ATXN7L1: variants seen among roughly 807,000 people sequenced by gnomAD.
ATXN7L1 encodes the protein ataxin 7 like 1, also known as ataxin-7-like protein 1.
In ATXN7L1, 15 loss-of-function variants were observed where a neutral mutation model predicts 70.8. The observed-to-expected ratio is 0.21, with a 90% CI of 0.14 to 0.33. The LOEUF (loss-of-function observed/expected upper bound fraction) is 0.33. Among genes scored for constraint, ATXN7L1 ranks in the 10% least tolerant of loss-of-function variants. The probability of loss-of-function intolerance (pLI) is 1.00; values close to 1 mark genes in which losing one functional copy is unlikely to be tolerated. For missense variants in ATXN7L1, 975 were observed against 1,097.1 expected (o/e 0.89, Z 1.57); for synonymous variants, 440 against 445.1 (o/e 0.99, Z 0.14).
In ATXN7L1 at chr7:105,631,859, C is replaced by T. The variant is rs79104146; in HGVS notation, c.1202+6494G>A. Among the ~76,000 whole-genome samples, 1,356 of 152,320 alleles carry T rather than the reference C, an allele frequency of 8.9e-3. 34 individuals carry two copies. Among genetic ancestry groups the T allele is most frequent in the African/African-American group, 0.031 (1,272 of 41,570 alleles). ...CTAGACACGGGGCCATCAGGCTCAG[C>T]GCAGAGTAGGAGTGAGGCACAGGGC... On this transcript the variant is annotated intron_variant, in intron 7 of 11. Transcript: ENST00000419735.
intron 3 of ATXN7L1, among the ~76,000 whole-genome samples, chr7:105,730,778 T>C (rs1796446927): frequency 6.6e-6 from 1 of 151,632 alleles, no homozygotes. Flanking sequence ...ACATGACAAC[T>C]AAATGTAAGT....
chr7:105,615,979 C>CA lies in ATXN7L1; in HGVS notation c.1518-1164dup, dbSNP rs375789664. 1.7e-3 allele frequency among the ~76,000 whole-genome samples: 263 copies of CA among 152,322 alleles called. 1 individual carries two copies. Among genetic ancestry groups the CA allele is most frequent in the African/African-American group, 5.9e-3 (246 of 41,574 alleles). Reference sequence around the variant, plus strand: ...CTACTCTGGGGACCGGGAGGAGGCACACGGCCACAGGGACGTTTGTTCGTG... The same window carrying CA: ...CTACTCTGGGGACCGGGAGGAGGCACAACGGCCACAGGGACGTTTGTTCGTG... On this transcript the variant is annotated intron_variant, in intron 9 of 11. Transcript: ENST00000419735.
chr7:105,809,830 A>G (rs987416350), intron 2 of ATXN7L1, among the ~76,000 whole-genome samples: 1 of 151,106 alleles, frequency 6.6e-6, no homozygotes, highest in Admixed American at 6.6e-5. Flanking sequence ...GAGCATAGTT[A>G]TGCTATCATA....
At chr7:105,669,011 A>C (rs1230440187) in intron 3 of ATXN7L1, among the ~76,000 whole-genome samples, 1 of 152,118 alleles carries the variant, frequency 6.6e-6, no homozygotes, top group Non-Finnish European at 1.5e-5. Context: ...GCCTCGCAAA[A>C]TGTTGGGATT....
At chr7:105,875,636 C>CCA (rs67411585) in intron 2 of ATXN7L1, among the ~76,000 whole-genome samples, 176 bp downstream of exon 2, 13,136 of 131,264 alleles carry the variant, frequency 0.1, 945 homozygotes, top group Middle Eastern at 0.18. Flanking sequence ...TACCCCCCCC[C>CCA]CAGTTGTATT....
chr7:105,630,388 C>A (rs1180458535), intron 7 of ATXN7L1, among the ~76,000 whole-genome samples: 1 of 152,154 alleles, frequency 6.6e-6, no homozygotes, highest in African/African-American at 2.4e-5. Flanking sequence ...CCATTTAACT[C>A]CTAAACCAAT....
At chr7:105,797,927 A>G (rs1049224710) in intron 2 of ATXN7L1, among the ~76,000 whole-genome samples, 3 of 152,242 alleles carry the variant, frequency 2.0e-5, no homozygotes, top group African/African-American at 7.2e-5. Flanking sequence ...GGCATGTGGT[A>G]GCTGCTTAAT....
chr7:105,876,287 C>G (rs1585224264), intron 1 of ATXN7L1, 91 bp downstream of exon 1: 1 of 1,429,276 alleles, frequency 7.0e-7, no homozygotes, highest in African/African-American at 1.4e-5. Flanking sequence ...GGGCCACTCT[C>G]TCTCTCACAC....
At chr7:105,818,734 A>G (rs1368975926) in intron 2 of ATXN7L1, among the ~76,000 whole-genome samples, 1 of 152,192 alleles carries the variant, frequency 6.6e-6, no homozygotes, top group Non-Finnish European at 1.5e-5. Context: ...ATGTATTAGG[A>G]TAAAGCTGCA....
At chr7:105,618,124 G>C (rs775601759) in intron 9 of ATXN7L1, 4 of 453,722 alleles carry the variant, frequency 8.8e-6, no homozygotes, top group South Asian at 1.6e-5. Context: ...TATGGAGCTT[G>C]AGCTGACAGG....
At chr7:105,769,644 C>T (rs551506656) in intron 3 of ATXN7L1, among the ~76,000 whole-genome samples, 1 of 152,242 alleles carries the variant, frequency 6.6e-6, no homozygotes, top group East Asian at 1.9e-4. Context: ...GTCATTCTAC[C>T]TGGATGTCCT....
At chr7:105,771,886 G>T (rs1396589403) in intron 3 of ATXN7L1, among the ~76,000 whole-genome samples, 1 of 152,034 alleles carries the variant, frequency 6.6e-6, no homozygotes, top group Non-Finnish European at 1.5e-5. Flanking sequence ...ATGGGGACAG[G>T]TTAAGGAAAA....
Position 105,676,344 on chromosome 7 carries a change from T to A in ATXN7L1, c.356-11056A>T, listed in dbSNP as rs570487510. Reference sequence around the variant, plus strand: ...AGTCACATGTGTTTAAACACAGGAGTCACCACAGCTTTGGTGAAAACTGGG... The same window carrying A: ...AGTCACATGTGTTTAAACACAGGAGACACCACAGCTTTGGTGAAAACTGGG... On this transcript the variant is annotated intron_variant, in intron 3 of 11. Coordinates refer to ENST00000419735, the MANE Select transcript of ATXN7L1 (RefSeq NM_020725.2). Among the ~76,000 whole-genome samples the A allele has an allele frequency of 4.6e-5, 7 of 151,432 alleles. No individual in the cohort carries two copies. In the East Asian group the frequency reaches 9.7e-4, roughly 21 times the overall value.
rs1338808789 is a variant in ATXN7L1 at position 105,614,446 on chromosome 7, T to C, written c.1888A>G (p.Lys630Glu). Residue 630 changes from lysine (K) to glutamate (E), a missense_variant, in exon 10 of 12, where the codon AAA becomes GAA. Lys to Glu is a moderately conservative substitution (Grantham distance 56). Around this residue, in one of 5 missense-constraint regions of ATXN7L1, gnomAD observed 635 missense variants for 699.4 expected, o/e 0.91. Coordinates refer to ENST00000419735, the MANE Select transcript of ATXN7L1 (RefSeq NM_020725.2). This position sits in a 1 kb window ranked among gnomAD's most constrained non-coding sequence, Gnocchi z 4.3. ...KTKTSKSSKV[K>E]DLSTRSDESP... ...TCGTCGCTACGGGTGGACAGGTCTT[T>C]GACTTTTGAGGATTTGCTGGTTTTG... 1.3e-6 allele frequency: 2 copies of C among 1,544,712 alleles called. No homozygotes were observed. The highest frequency in any genetic ancestry group is 4.0e-5 in the Admixed American group (2 of 50,020).
At chr7:105,619,515 TATATATATATATATA>T (rs1434397426) in intron 9 of ATXN7L1, among the ~76,000 whole-genome samples, 33 of 16,344 alleles carry the variant, frequency 2.0e-3, no homozygotes, top group Non-Finnish European at 2.7e-3. Context: ...TATATATATA[TATATATATATATATA>T]TTTTTTTTTT....
chr7:105,769,652 C>T (rs140950313), intron 3 of ATXN7L1, among the ~76,000 whole-genome samples: 1,946 of 152,174 alleles, frequency 0.013, 23 homozygotes, highest in Non-Finnish European at 0.02. Flanking sequence ...ACCTGGATGT[C>T]CTATTTGAAT....
intron 2 of ATXN7L1, among the ~76,000 whole-genome samples, chr7:105,796,900 C>T (rs2116505368): frequency 6.6e-6 from 1 of 152,234 alleles, no homozygotes; most frequent in Non-Finnish European, 1.5e-5. Flanking sequence ...TGAAAATGAC[C>T]TCAGACTCGA....
At chr7:105,701,600 C>T (rs543544196) in intron 3 of ATXN7L1, among the ~76,000 whole-genome samples, 24 of 152,246 alleles carry the variant, frequency 1.6e-4, no homozygotes, top group Non-Finnish European at 3.4e-4. Flanking sequence ...TTTGGAGCAC[C>T]ACTCCTATTT....
At chr7:105,822,968 C>T (rs1464160358) in intron 2 of ATXN7L1, among the ~76,000 whole-genome samples, 1 of 152,142 alleles carries the variant, frequency 6.6e-6, no homozygotes, top group Non-Finnish European at 1.5e-5. Flanking sequence ...TACACATACT[C>T]TTGGGTTCCA....
Sources: gnomAD v4.1 joint callset for allele counts (sites outside exome capture counted in the v4.1 genomes callset) on GRCh38, gnomAD v4.1.1 for gene constraint, gnomAD v4.1.1 regional missense constraint, Gnocchi (gnomAD v3.1) non-coding constraint, MANE v1.5 for transcripts, NCBI Gene and HGNC (gene_info 2026-07-23, HGNC 2026-07-21) for gene names.